COL5A3: variants seen among roughly 807,000 people sequenced by gnomAD.
The protein encoded by COL5A3 is collagen type V alpha 3 chain.
In COL5A3, 172 loss-of-function variants were observed where a neutral mutation model predicts 250.0. The ratio of observed to expected loss-of-function variants is 0.69; its 90% CI spans 0.61 to 0.78. The LOEUF (loss-of-function observed/expected upper bound fraction) is 0.78. COL5A3 is among the 30% of genes least tolerant of loss of function. COL5A3 has a pLI of 0.00. For missense variants in COL5A3, 2,340 were observed against 2,334.4 expected, an observed-to-expected ratio of 1.00 and a Z score of -0.05; for synonymous variants, 937 against 900.4, an observed-to-expected ratio of 1.04 and a Z score of -0.73.
chr19:9,998,670 CCTT>C (rs1337407651), intron 8 of COL5A3, among the ~76,000 whole-genome samples: 1 of 151,344 alleles, frequency 6.6e-6, no homozygotes, highest in Non-Finnish European at 1.5e-5. Context: ...TTCTTTCTTT[CCTT>C]CTTCTTTTTC....
chr19:10,000,488 A>G (rs1239137538), intron 8 of COL5A3, among the ~76,000 whole-genome samples: 3 of 84,256 alleles, frequency 3.6e-5, no homozygotes, highest in East Asian at 3.2e-4. Flanking sequence ...TTTTTAAGAG[A>G]TGGGTCTCAC....
intron 51 of COL5A3, among the ~76,000 whole-genome samples, chr19:9,971,766 T>C (rs2086851094): frequency 6.6e-6 from 1 of 152,184 alleles, no homozygotes; most frequent in Non-Finnish European, 1.5e-5. Context: ...TCTGACCCAA[T>C]TCAACCTTAA....
At position 9,971,104 on chromosome 19, in the gene COL5A3, G is replaced by GAA; in HGVS notation, c.3829-78_3829-77dup. On this transcript the variant is annotated intron_variant, in intron 52 of 66. Transcript: ENST00000264828. ...TTTGGGATGGGGCTGGGAGGCAAAA[G>GAA]AACGTTTTTGGTTCCACTGTCAGTG... is the stretch of plus-strand genomic sequence containing the variant. 2.8e-6 allele frequency: 4 copies of GAA among 1,425,782 alleles called. No homozygotes were observed. In the South Asian group the frequency reaches 5.8e-5, roughly 21 times the overall value. The allele number at this position is 1,425,782 out of a possible 1,614,324, so 88.3% of individuals were successfully genotyped here.
At chr19:9,989,596 C>A in intron 24 of COL5A3, 74 bp from the exon 25 acceptor site, 2 of 1,323,570 alleles carry the variant, frequency 1.5e-6, no homozygotes, top group South Asian at 1.4e-5. Context: ...TCTACGCAGA[C>A]ATGCAGCCGC....
chr19:9,964,450 A>T (rs191120424), intron 64 of COL5A3, among the ~76,000 whole-genome samples: 11 of 152,116 alleles, frequency 7.2e-5, no homozygotes, highest in Non-Finnish European at 1.3e-4. Flanking sequence ...GAAATTTAAA[A>T]AATTAGCCAG....
chr19:9,972,586 C>G (rs2086867696), intron 51 of COL5A3, among the ~76,000 whole-genome samples: 1 of 152,110 alleles, frequency 6.6e-6, no homozygotes. Flanking sequence ...GCCTGTAATC[C>G]CAGCACTTTG....
rs1555740860 is a variant in COL5A3 at position 9,998,253 on chromosome 19, C to CACAT, written c.1111-105_1111-104insATGT. The CACAT allele has an allele frequency of 6.2e-5, 70 of 1,130,762 alleles. 3 individuals are homozygous for CACAT. The East Asian group carries it at 1.0e-3, about 16-fold the overall frequency. 70.0% of individuals were successfully genotyped at this position (1,130,762 alleles called of 1,614,324 possible). On this transcript the variant is annotated intron_variant, in intron 8 of 66. Transcript: ENST00000264828. ...ACTTGCACACACACACACACACACA[C>CACAT]ACACGGAGTCCACCCTCAGAGCCCC...
chr19:9,992,132 G>T (rs939059362), intron 21 of COL5A3, 84 bp from the exon 22 acceptor site: 91 of 1,220,254 alleles, frequency 7.5e-5, no homozygotes, highest in Non-Finnish European at 9.0e-5. Flanking sequence ...CAGGTGGAAA[G>T]GTGAGCAGGG....
chr19:9,978,866 C>G (rs758803191), intron 40 of COL5A3, 25 bp downstream of exon 40: 5 of 1,401,852 alleles, frequency 3.6e-6, no homozygotes, highest in Admixed American at 2.7e-5. Flanking sequence ...AAGGGACATG[C>G]AGGAGGGTCT....
At position 10,009,152 on chromosome 19, in the gene COL5A3, GTGTGC is replaced by G; in HGVS notation, c.88+1141_88+1145del. Reference sequence around the variant, plus strand: ...ACCTTCCTGGACTCCAAAGTAAGAAGTGTGCTGTGGTGTGTGTGTGTGTGTGTGTG... The same window carrying G: ...ACCTTCCTGGACTCCAAAGTAAGAAGTGTGGTGTGTGTGTGTGTGTGTGTG... On this transcript the variant is annotated intron_variant, in intron 1 of 66. Coordinates refer to ENST00000264828, the MANE Select transcript of COL5A3 (RefSeq NM_015719.4). The surrounding 1 kb of genome is among the most constrained non-coding windows in gnomAD (Gnocchi z 4.4). Among the ~76,000 whole-genome samples the G allele has an allele frequency of 8.5e-6, 1 of 117,856 alleles. No homozygotes were observed. The highest frequency in any genetic ancestry group is 3.1e-5 in the African/African-American group (1 of 32,646). The allele number at this position is 117,856 out of a possible 152,430, so 77.3% of individuals were successfully genotyped here. A position where few individuals can be genotyped will look rare whatever the true frequency, so the allele number is the denominator to read the frequency against.
chr19:9,981,066 G>T, intron 33 of COL5A3, 22 bp downstream of exon 33: 1 of 1,612,738 alleles, frequency 6.2e-7, no homozygotes, highest in African/African-American at 1.3e-5. Flanking sequence ...AGCAGGGTAG[G>T]GGGCACTGTC....
chr19:9,989,891 A>G (rs1344222206), intron 24 of COL5A3, among the ~76,000 whole-genome samples: 1 of 152,010 alleles, frequency 6.6e-6, no homozygotes, highest in Non-Finnish European at 1.5e-5. Context: ...CAGCTTCTCC[A>G]GTAGCTGGGA....
chr19:9,976,441 G>T (rs1599541874), intron 45 of COL5A3, 117 bp downstream of exon 45: 2 of 710,866 alleles, frequency 2.8e-6, no homozygotes, highest in East Asian at 3.2e-5. Context: ...AGTACTGAGG[G>T]AAGATCAGGG....
intron 8 of COL5A3, among the ~76,000 whole-genome samples, chr19:9,999,010 C>T (rs2087312994): frequency 1.7e-5 from 2 of 117,348 alleles, no homozygotes; most frequent in Non-Finnish European, 3.8e-5. Context: ...TCTTTCTTTT[C>T]TTTCTTTCTT....
Position 10,003,558 on chromosome 19 carries a change from C to T in COL5A3, c.849+7G>A, listed in dbSNP as rs1282920009. The T allele has an allele frequency of 6.2e-7, 1 of 1,613,926 alleles. No individual in the cohort carries two copies. The highest frequency in any genetic ancestry group is 1.1e-5 in the South Asian group (1 of 91,038). ...AAACCGGAAGTGAGAGGTCTCAGGG[C>T]CCTTACCTGGTTCTCTGCGGAGTCA... is the stretch of plus-strand genomic sequence containing the variant. On this transcript the variant is annotated splice_region_variant and intron_variant, in intron 6 of 66. Coordinates refer to ENST00000264828, the MANE Select transcript of COL5A3 (RefSeq NM_015719.4).
At chr19:9,970,116 G>A (rs187396654) in intron 54 of COL5A3, among the ~76,000 whole-genome samples, 194 bp from the exon 55 acceptor site, 1 of 47,778 alleles carries the variant, frequency 2.1e-5, no homozygotes, top group South Asian at 8.4e-4. Context: ...CTGTGGGTGA[G>A]TGGAGGCTGT....
intron 16 of COL5A3, 129 bp from the exon 17 acceptor site, chr19:9,993,935 T>G (rs2087234193): frequency 1.3e-6 from 1 of 766,636 alleles, no homozygotes. Flanking sequence ...TCACTCAGGT[T>G]GGAGTGCAGT....
At position 9,969,634 on chromosome 19, in the gene COL5A3, C is replaced by A; in HGVS notation, c.4039G>T (p.Ala1347Ser). The A allele has an allele frequency of 6.3e-7, 1 of 1,594,710 alleles. No individual in the cohort carries two copies. Among genetic ancestry groups the A allele is most frequent in the Non-Finnish European group, 8.5e-7 (1 of 1,175,244 alleles). ...GPPGRTGPMGARGPPGRVGPE... is the reference protein window; with the variant it reads ...GPPGRTGPMGSRGPPGRVGPE... The stretch of plus-strand genomic sequence containing the variant: ...CCCACACGTCCAGGGGGCCCTCTAG[C>A]CCCCATTGGACCCGTCCTCCCTGGG... Residue 1347 changes from alanine to serine, a missense_variant, in exon 56 of 67, where the codon GCT (alanine) becomes TCT (serine). Transcript: ENST00000264828.
At chr19:10,008,810 C>T (rs936704258) in intron 1 of COL5A3, among the ~76,000 whole-genome samples, 4 of 152,152 alleles carry the variant, frequency 2.6e-5, no homozygotes, top group Non-Finnish European at 4.4e-5. Flanking sequence ...TTTAACACCT[C>T]GGACTTCTGA....
Sources: allele counts gnomAD v4.1 joint callset (sites outside exome capture counted in the v4.1 genomes callset), GRCh38; gene constraint gnomAD v4.1.1; non-coding constraint Gnocchi (gnomAD v3.1); transcripts MANE v1.5; gene names NCBI Gene and HGNC (gene_info 2026-07-23, HGNC 2026-07-21).